The following TMEM272 variants were observed in gnomAD, a reference collection of about 807,000 sequenced individuals.
TMEM272 encodes the protein transmembrane protein 272, also known as long intergenic non-protein coding RNA 282.
Under a neutral mutation model 3.7 loss-of-function variants are expected in TMEM272, and 8 were observed. That is an observed-to-expected ratio of 2.17 (90% CI 1.27 to 3.91). The LOEUF (loss-of-function observed/expected upper bound fraction) is 3.91, where lower values mean the gene tolerates loss of function less well. Among genes scored for constraint, TMEM272 ranks in the 30% most tolerant of loss-of-function variants. The pLI, the probability that TMEM272 is intolerant of heterozygous loss-of-function variation, is 0.00. For missense variants in TMEM272, 166 were observed against 91.5 expected (o/e 1.81, Z -3.32); for synonymous variants, 63 against 39.8 (o/e 1.58, Z -2.20).
chr13:51,878,861 T>C, the TMEM272 span, among the ~76,000 whole-genome samples: 3 of 152,200 alleles, frequency 2.0e-5, no homozygotes, highest in Non-Finnish European at 4.4e-5. Flanking sequence ...TTTTGTTGCA[T>C]GTGTTAGAAT....
chr13:51,874,129 G>A, the TMEM272 span, among the ~76,000 whole-genome samples: 1 of 152,182 alleles, frequency 6.6e-6, no homozygotes, highest in Admixed American at 6.5e-5. Flanking sequence ...TGGCAGAGGG[G>A]TCCCTGCCTG....
At chr13:51,912,415 C>G in the TMEM272 span, among the ~76,000 whole-genome samples, 1 of 152,176 alleles carries the variant, frequency 6.6e-6, no homozygotes, top group Admixed American at 6.5e-5. Flanking sequence ...CTGGCACATC[C>G]TCCACAGAGC....
At chr13:51,883,049 G>A in the TMEM272 span, among the ~76,000 whole-genome samples, 6 of 152,326 alleles carry the variant, frequency 3.9e-5, no homozygotes, top group South Asian at 8.3e-4. Context: ...CTGTCTAGAC[G>A]AACACAGTAG....
At chr13:51,817,198 G>T in intron 4 of TMEM272, 85 bp from the exon 5 acceptor site, 1 of 629,342 alleles carries the variant, frequency 1.6e-6, no homozygotes, top group Admixed American at 2.4e-5. Context: ...CGGTGGTGGG[G>T]TGTTGGCAGG....
chr13:51,855,744 G>A, the TMEM272 span, among the ~76,000 whole-genome samples: 1 of 152,098 alleles, frequency 6.6e-6, no homozygotes. Flanking sequence ...AGACAATGGA[G>A]AATTAGAAAA....
the TMEM272 span, among the ~76,000 whole-genome samples, chr13:51,913,313 T>G: frequency 3.9e-5 from 6 of 152,214 alleles, no homozygotes; most frequent in Non-Finnish European, 8.8e-5. Flanking sequence ...GCAGTTTGCT[T>G]TTACCAGTGG....
chr13:51,859,824 C>T, the TMEM272 span, among the ~76,000 whole-genome samples: 1 of 151,848 alleles, frequency 6.6e-6, no homozygotes, highest in Non-Finnish European at 1.5e-5. Flanking sequence ...CATAAAGAAA[C>T]AGGAAACCCT....
chr13:51,889,322 T>TA, the TMEM272 span, among the ~76,000 whole-genome samples: 819 of 152,326 alleles, frequency 5.4e-3, 9 homozygotes, highest in African/African-American at 0.018. Flanking sequence ...CCCTATCCTC[T>TA]AAAGTGACTA....
chr13:51,828,539 T>C (rs192152693), intron 2 of TMEM272, among the ~76,000 whole-genome samples: 63 of 152,224 alleles, frequency 4.1e-4, no homozygotes, highest in Middle Eastern at 3.4e-3. Flanking sequence ...TGCCCCAATT[T>C]CCACTCCTCC....
At chr13:51,923,022 TG>T in the TMEM272 span, among the ~76,000 whole-genome samples, 1 of 152,170 alleles carries the variant, frequency 6.6e-6, no homozygotes, top group Admixed American at 6.5e-5. Flanking sequence ...GAGGATGTCT[TG>T]GGGGCCACTG....
upstream of TMEM272, among the ~76,000 whole-genome samples, chr13:51,845,923 A>T (rs1181315797): frequency 6.6e-6 from 1 of 152,242 alleles, no homozygotes; most frequent in Non-Finnish European, 1.5e-5. Flanking sequence ...CTGGCGTCAC[A>T]TGACTTAAAG....
intron 4 of TMEM272, among the ~76,000 whole-genome samples, chr13:51,821,675 AAAAAAAAAAAAAGC>A (rs1237934627): frequency 2.0e-4 from 27 of 133,926 alleles, no homozygotes; most frequent in Admixed American, 3.7e-4. Flanking sequence ...CCTCAAAAAA[AAAAAAAAAAAAAGC>A]AAAAAAAAAA....
the TMEM272 span, among the ~76,000 whole-genome samples, chr13:51,904,222 T>C: frequency 6.6e-6 from 1 of 152,106 alleles, no homozygotes; most frequent in Non-Finnish European, 1.5e-5. Context: ...ATGATGATGA[T>C]GATGATGATG....
chr13:51,881,186 T>C, the TMEM272 span, among the ~76,000 whole-genome samples: 2 of 152,196 alleles, frequency 1.3e-5, no homozygotes, highest in Non-Finnish European at 2.9e-5. Flanking sequence ...TCACACATGC[T>C]GAGGCTCTTA....
the TMEM272 span, among the ~76,000 whole-genome samples, chr13:51,903,488 A>G: frequency 6.6e-6 from 1 of 152,128 alleles, no homozygotes; most frequent in African/African-American, 2.4e-5. Flanking sequence ...CTCAGTTGTC[A>G]CTTCAGGTTC....
At chr13:51,909,217 T>C in the TMEM272 span, 1 of 1,273,648 alleles carries the variant, frequency 7.9e-7, no homozygotes, top group Non-Finnish European at 1.1e-6. Context: ...TTGAGGTTTC[T>C]TTCAGCAGTC....
At chr13:51,872,955 G>C in the TMEM272 span, among the ~76,000 whole-genome samples, 1 of 152,226 alleles carries the variant, frequency 6.6e-6, no homozygotes, top group Admixed American at 6.5e-5. Context: ...CAAAATGTGG[G>C]AGTTAAGCAA....
chr13:51,856,933 C>A, the TMEM272 span, among the ~76,000 whole-genome samples: 1 of 152,074 alleles, frequency 6.6e-6, no homozygotes, highest in African/African-American at 2.4e-5. Context: ...AAGGATAATA[C>A]GTCTGAATAA....
At chr13:51,900,838 T>TGG in the TMEM272 span, among the ~76,000 whole-genome samples, 2 of 152,224 alleles carry the variant, frequency 1.3e-5, no homozygotes, top group Non-Finnish European at 2.9e-5. Flanking sequence ...TTTTAAATCA[T>TGG]TATGCTAAGT....
Sources: allele counts gnomAD v4.1 joint callset (sites outside exome capture counted in the v4.1 genomes callset), GRCh38; gene constraint gnomAD v4.1.1; transcripts MANE v1.5; gene names NCBI Gene and HGNC (gene_info 2026-07-23, HGNC 2026-07-21).